Variants in CACHD1 observed in about 807,000 individuals in gnomAD.
CACHD1 encodes the protein cache domain containing 1, also known as VWFA and cache domain-containing protein 1.
In CACHD1, 71 loss-of-function variants were observed where a neutral mutation model predicts 138.7. The ratio of observed to expected loss-of-function variants is 0.51; its 90% CI spans 0.42 to 0.62. CACHD1 has a LOEUF of 0.62. Ranked by LOEUF, CACHD1 falls within the 20% of genes least tolerant of loss-of-function variation. The probability of loss-of-function intolerance (pLI) is 0.00; values close to 1 mark genes in which losing one functional copy is unlikely to be tolerated. For synonymous variants in CACHD1, 578 were observed against 591.5 expected (o/e 0.98, Z 0.33); for missense variants, 1,389 against 1,625.3 (o/e 0.85, Z 2.50).
Position 64,505,630 on chromosome 1 carries a change from C to T in CACHD1, c.198+34688C>T, listed in dbSNP as rs1646367886. 2.8e-5 allele frequency among the ~76,000 whole-genome samples: 4 copies of T among 141,026 alleles called. No homozygotes were observed. In the South Asian group the frequency reaches 9.5e-4, roughly 34 times the overall value. The allele number at this position is 141,026 out of a possible 152,430, so 92.5% of individuals were successfully genotyped here. On this transcript the variant is annotated intron_variant, in intron 1 of 26. Coordinates refer to ENST00000651257, the MANE Select transcript of CACHD1 (RefSeq NM_020925.4). ...ACACCCTATGCCGCCGTTCCTCCCCCTCCCTGGGCGAACCCCAACACCTCC... is the reference window on the plus strand; with the variant it reads ...ACACCCTATGCCGCCGTTCCTCCCCTTCCCTGGGCGAACCCCAACACCTCC...
At chr1:64,531,334 G>A (rs1432959617) in intron 1 of CACHD1, among the ~76,000 whole-genome samples, 1 of 152,180 alleles carries the variant, frequency 6.6e-6, no homozygotes, top group Non-Finnish European at 1.5e-5. Flanking sequence ...AGTGTTTGTG[G>A]ATTCTTCCAG....
In CACHD1 at chr1:64,679,758, T is replaced by G; in HGVS notation, c.3406+2T>G. ...ATATGTCTCCTCTTGCTGCCCAAGG[T>G]GAGCTCAAAATGAACCCCACAGGGG... On this transcript the variant is annotated splice_donor_variant, in intron 24 of 26. Coordinates refer to ENST00000651257, the MANE Select transcript of CACHD1 (RefSeq NM_020925.4). LOFTEE classifies it high-confidence loss of function. 6.2e-7 allele frequency: 1 copy of G among 1,613,302 alleles called. No individual in the cohort carries two copies. The highest frequency in any genetic ancestry group is 8.5e-7 in the Non-Finnish European group (1 of 1,179,934).
intron 3 of CACHD1, among the ~76,000 whole-genome samples, chr1:64,595,329 T>C (rs1339824090): frequency 3.9e-5 from 6 of 152,144 alleles, no homozygotes; most frequent in Non-Finnish European, 8.8e-5. Context: ...TTGACTAAAC[T>C]TTTGCTCTTC....
At chr1:64,497,735 C>T (rs1400416367) in intron 1 of CACHD1, among the ~76,000 whole-genome samples, 1 of 152,190 alleles carries the variant, frequency 6.6e-6, no homozygotes, top group Non-Finnish European at 1.5e-5. Flanking sequence ...TGAGCACAGA[C>T]TAGATCCCAA....
intron 26 of CACHD1, among the ~76,000 whole-genome samples, chr1:64,684,286 T>C (rs1650284083): frequency 6.6e-6 from 1 of 151,904 alleles, no homozygotes; most frequent in African/African-American, 2.4e-5. Context: ...TCATTTGTGG[T>C]AAAAATTTTT....
chr1:64,625,416 C>T (rs1301685409), intron 4 of CACHD1, among the ~76,000 whole-genome samples: 1 of 152,022 alleles, frequency 6.6e-6, no homozygotes, highest in South Asian at 2.1e-4. Flanking sequence ...CACTTGAAGT[C>T]GGGAGTTCAA....
At chr1:64,567,454 A>C (rs1000153926) in intron 2 of CACHD1, among the ~76,000 whole-genome samples, 5 of 152,148 alleles carry the variant, frequency 3.3e-5, no homozygotes, top group Admixed American at 6.6e-5. Context: ...TATTTATTCA[A>C]CATGATAGTT....
At chr1:64,562,623 A>G (rs572336816) in intron 2 of CACHD1, among the ~76,000 whole-genome samples, 21 of 146,302 alleles carry the variant, frequency 1.4e-4, no homozygotes, top group Admixed American at 4.8e-4. Context: ...GGGTTTCACC[A>G]TGTTGACCAA....
At chr1:64,545,244 C>T (rs1385935375) in intron 1 of CACHD1, among the ~76,000 whole-genome samples, 26 of 152,196 alleles carry the variant, frequency 1.7e-4, no homozygotes. Context: ...GCATAGCATA[C>T]AGAAGAATGC....
chr1:64,603,023 C>T lies in CACHD1; in HGVS notation c.517+111C>T, dbSNP rs59976163. ...AATTTTTGAAGAGAAGTATTATATA[C>T]TTAAGATTGGATATTTCTTGCTGGA... On this transcript the variant is annotated intron_variant, in intron 4 of 26. Coordinates refer to ENST00000651257, the MANE Select transcript of CACHD1 (RefSeq NM_020925.4). 2,620 of 471,002 alleles carry T rather than the reference C, an allele frequency of 5.6e-3. 57 individuals carry two copies. Among genetic ancestry groups the T allele is most frequent in the African/African-American group, 0.053 (2,371 of 44,516 alleles). 29.2% of individuals were successfully genotyped at this position (471,002 alleles called of 1,614,324 possible).
At chr1:64,524,005 A>C (rs1483084631) in intron 1 of CACHD1, among the ~76,000 whole-genome samples, 1 of 150,120 alleles carries the variant, frequency 6.7e-6, no homozygotes, top group Non-Finnish European at 1.5e-5. Context: ...CTTTCAGAAC[A>C]ATGTTAAATT....
chr1:64,662,910 T>C (rs1368034623), intron 13 of CACHD1, among the ~76,000 whole-genome samples: 2 of 152,240 alleles, frequency 1.3e-5, no homozygotes, highest in Non-Finnish European at 2.9e-5. Flanking sequence ...TCCATCTTTC[T>C]TTCTTAAATA....
chr1:64,663,555 A>C lies in CACHD1; in HGVS notation c.1952-140A>C, dbSNP rs560099683. On this transcript the variant is annotated intron_variant, in intron 13 of 26. Transcript: ENST00000651257. Reference sequence around the variant, plus strand: ...CACAGAGCGAGACTCCATCTGAAAAAAAAAAAAAAAGAAAAAAAGGAAAAA... The same window carrying C: ...CACAGAGCGAGACTCCATCTGAAAACAAAAAAAAAAGAAAAAAAGGAAAAA... 1,345 of 1,157,674 alleles carry C rather than the reference A, an allele frequency of 1.2e-3. 5 individuals are homozygous for C. Among genetic ancestry groups the C allele is most frequent in the Admixed American group, 2.2e-3 (96 of 43,830 alleles). 71.7% of individuals were successfully genotyped at this position (1,157,674 alleles called of 1,614,324 possible).
intron 1 of CACHD1, among the ~76,000 whole-genome samples, chr1:64,539,554 A>G (rs1015122536): frequency 1.3e-5 from 2 of 152,204 alleles, no homozygotes; most frequent in African/African-American, 2.4e-5. Context: ...TTCAGGCAAG[A>G]AACAGCGTCT....
At chr1:64,633,163 A>G (rs1557529510) in intron 6 of CACHD1, among the ~76,000 whole-genome samples, 1 of 152,218 alleles carries the variant, frequency 6.6e-6, no homozygotes, top group African/African-American at 2.4e-5. Flanking sequence ...GAAAAGATCC[A>G]AAATTGAAAG....
chr1:64,659,991 C>G (rs1203786316), intron 13 of CACHD1, among the ~76,000 whole-genome samples: 1 of 152,154 alleles, frequency 6.6e-6, no homozygotes, highest in African/African-American at 2.4e-5. Context: ...TTCTGGGATA[C>G]CTCCCAGCAG....
intron 1 of CACHD1, among the ~76,000 whole-genome samples, chr1:64,516,747 AC>A (rs1266462720): frequency 6.6e-6 from 1 of 152,200 alleles, no homozygotes; most frequent in Non-Finnish European, 1.5e-5. Context: ...TTTCTACTAT[AC>A]CATAAAGCAT....
intron 2 of CACHD1, among the ~76,000 whole-genome samples, chr1:64,552,471 G>GTT (rs34499860): frequency 5.9e-4 from 73 of 122,906 alleles, no homozygotes; most frequent in African/African-American, 1.9e-3. Context: ...ATTTTGTTTT[G>GTT]TTTTTTTTTT....
chr1:64,683,326 G>T (rs1327741319), intron 26 of CACHD1, among the ~76,000 whole-genome samples: 1 of 152,096 alleles, frequency 6.6e-6, no homozygotes, highest in African/African-American at 2.4e-5. Context: ...ACAAACCTTT[G>T]AACTTGCATA....
Sources: gnomAD v4.1 joint callset for allele counts (sites outside exome capture counted in the v4.1 genomes callset) on GRCh38, gnomAD v4.1.1 for gene constraint, MANE v1.5 for transcripts, NCBI Gene and HGNC (gene_info 2026-07-23, HGNC 2026-07-21) for gene names.